The following SIPA1L1 variants were observed in gnomAD, a reference collection of about 807,000 sequenced individuals.
The protein encoded by SIPA1L1 is signal-induced proliferation-associated 1-like protein 1.
In SIPA1L1, 26 loss-of-function variants were observed where a neutral mutation model predicts 162.7. The ratio of observed to expected loss-of-function variants is 0.16; its 90% confidence interval spans 0.12 to 0.22. The LOEUF (loss-of-function observed/expected upper bound fraction) is 0.22. SIPA1L1 is among the 10% of genes least tolerant of loss of function. The pLI is 1.00. For synonymous variants in SIPA1L1, 829 were observed against 837.4 expected (o/e 0.99, Z 0.17); for missense variants, 1,874 against 2,241.0 (o/e 0.84, Z 3.31).
chr14:71,536,617 G>GT (rs1364197249), intron 4 of SIPA1L1, among the ~76,000 whole-genome samples: 3 of 152,208 alleles, frequency 2.0e-5, no homozygotes, highest in Non-Finnish European at 4.4e-5. Flanking sequence ...AAAAGAATGT[G>GT]TTTCAGCAGC....
intron 2 of SIPA1L1, among the ~76,000 whole-genome samples, chr14:71,368,197 A>C (rs2038542606): frequency 7.9e-6 from 1 of 126,622 alleles, no homozygotes; most frequent in Non-Finnish European, 1.6e-5. Flanking sequence ...TTTAGGGTAC[A>C]TGTGCACATT....
At chr14:71,615,950 C>T (rs554062444) in intron 5 of SIPA1L1, among the ~76,000 whole-genome samples, 35 of 152,330 alleles carry the variant, frequency 2.3e-4, no homozygotes, top group African/African-American at 8.4e-4. Context: ...GAGCCAAGAT[C>T]ACACCACTGC....
chr14:71,635,622 A>G (rs887739692), intron 7 of SIPA1L1, among the ~76,000 whole-genome samples: 3 of 152,346 alleles, frequency 2.0e-5, no homozygotes, highest in African/African-American at 2.4e-5. Context: ...TAAGAGATAC[A>G]TTCAAAAGCC....
At chr14:71,523,229 A>G (rs187183768) in intron 3 of SIPA1L1, among the ~76,000 whole-genome samples, 2 of 151,882 alleles carry the variant, frequency 1.3e-5, no homozygotes, top group African/African-American at 4.8e-5. Flanking sequence ...ATATATGCAT[A>G]TATGTTTTTT....
At chr14:71,546,093 A>G (rs1002035742) in intron 4 of SIPA1L1, among the ~76,000 whole-genome samples, 1 of 152,122 alleles carries the variant, frequency 6.6e-6, no homozygotes, top group Admixed American at 6.5e-5. Flanking sequence ...AGGAAAAAAA[A>G]AGAGAGAGAG....
At chr14:71,618,077 G>A (rs1233255314) in intron 5 of SIPA1L1, among the ~76,000 whole-genome samples, 1 of 152,214 alleles carries the variant, frequency 6.6e-6, no homozygotes, top group Admixed American at 6.5e-5. Flanking sequence ...AAGGTTTGGG[G>A]CCTTAGGCAA....
At chr14:71,503,716 A>G (rs995500376) in intron 2 of SIPA1L1, 2 of 152,128 alleles carry the variant, frequency 1.3e-5, no homozygotes. Flanking sequence ...GAATAATTTT[A>G]TATTTACAGA....
chr14:71,460,923 C>T (rs1337865125), intron 2 of SIPA1L1, among the ~76,000 whole-genome samples: 1 of 152,220 alleles, frequency 6.6e-6, no homozygotes, highest in Non-Finnish European at 1.5e-5. Context: ...ACCGTTCTAT[C>T]AATCCAGCTG....
intron 4 of SIPA1L1, among the ~76,000 whole-genome samples, chr14:71,581,924 G>A (rs564295255): frequency 4.6e-5 from 7 of 152,046 alleles, no homozygotes; most frequent in African/African-American, 1.4e-4. Context: ...CCCAACTTAG[G>A]TCTTTGATAT....
intron 12 of SIPA1L1, among the ~76,000 whole-genome samples, chr14:71,680,009 C>T (rs2045637548): frequency 6.6e-6 from 1 of 152,038 alleles, no homozygotes. Context: ...CGACTGTCAA[C>T]ATTAGACAGA....
intron 2 of SIPA1L1, among the ~76,000 whole-genome samples, chr14:71,396,848 C>G (rs1264682886): frequency 1.3e-5 from 2 of 152,212 alleles, no homozygotes; most frequent in East Asian, 3.9e-4. Context: ...AAATTAGATT[C>G]TATTATGAAA....
chr14:71,548,479 G>A (rs1045883698), intron 4 of SIPA1L1, among the ~76,000 whole-genome samples: 12 of 152,210 alleles, frequency 7.9e-5, no homozygotes, highest in African/African-American at 2.2e-4. Flanking sequence ...GAAATGTTAC[G>A]TGTGCCTTAA....
chr14:71,445,917 T>G (rs879483072), intron 2 of SIPA1L1, among the ~76,000 whole-genome samples: 30 of 152,198 alleles, frequency 2.0e-4, no homozygotes, highest in Admixed American at 2.0e-4. Flanking sequence ...GGCCCAGTCA[T>G]AGCTCACTGT....
At chr14:71,392,090 C>G (rs1378933979) in intron 2 of SIPA1L1, among the ~76,000 whole-genome samples, 2 of 152,214 alleles carry the variant, frequency 1.3e-5, no homozygotes, top group African/African-American at 4.8e-5. Flanking sequence ...GCCCTCAAGT[C>G]TCAACTCTCC....
chr14:71,333,996 A>G (rs1046476836), intron 2 of SIPA1L1, among the ~76,000 whole-genome samples: 1 of 152,198 alleles, frequency 6.6e-6, no homozygotes, highest in Non-Finnish European at 1.5e-5. Context: ...CAAGGATGAC[A>G]CCGAGGTGTT....
intron 4 of SIPA1L1, chr14:71,574,864 T>G (rs895893998): frequency 6.6e-6 from 1 of 152,194 alleles, no homozygotes; most frequent in African/African-American, 2.4e-5. Flanking sequence ...TTTTTAAGTT[T>G]AGGGGATTAG....
chr14:71,724,752 A>T lies in SIPA1L1; in HGVS notation c.4531A>T (p.Thr1511Ser), dbSNP rs1334743997. The change falls in exon 19 of 24, where the codon ACC becomes TCC. Residue 1511 changes from threonine to serine, a missense_variant. Transcript: ENST00000381232. ...TRDLRASPKP[T>S]SKSTIEEDLK... ...AGACCTCCGGGCATCTCCTAAGCCA[A>T]CCTCCAAGTCCACCATTGAAGAAGA... The T allele has an allele frequency of 1.9e-6, 3 of 1,614,020 alleles. No individual in the cohort carries two copies.
At chr14:71,620,928 C>T (rs1232765835) in intron 6 of SIPA1L1, among the ~76,000 whole-genome samples, 1 of 152,056 alleles carries the variant, frequency 6.6e-6, no homozygotes, top group East Asian at 1.9e-4. Context: ...GTCAAGTGTT[C>T]AAAAAAACCA....
chr14:71,714,586 T>C (rs1407462037), intron 17 of SIPA1L1, among the ~76,000 whole-genome samples: 2 of 16,712 alleles, frequency 1.2e-4, no homozygotes, highest in East Asian at 0.05. Flanking sequence ...CTTTTCTCTC[T>C]TTTTTTTTTT....
Sources: gnomAD v4.1 joint callset for allele counts (sites outside exome capture counted in the v4.1 genomes callset) on GRCh38, gnomAD v4.1.1 for gene constraint, MANE v1.5 for transcripts, NCBI Gene and HGNC (gene_info 2026-07-23, HGNC 2026-07-21) for gene names.